PIK3C2A: variants seen among roughly 807,000 people sequenced by gnomAD.
PIK3C2A encodes phosphatidylinositol-4-phosphate 3-kinase catalytic subunit type 2 alpha.
PIK3C2A carries 97 observed loss-of-function variants against 204.5 expected under a neutral mutation model. The observed-to-expected ratio is 0.47, with a 90% CI of 0.40 to 0.56. The LOEUF is 0.56. Ranked by LOEUF, PIK3C2A falls within the 20% of genes least tolerant of loss-of-function variation. The pLI is 0.00. For synonymous variants in PIK3C2A, 653 were observed against 664.4 expected (o/e 0.98, Z 0.26); for missense variants, 1,735 against 1,969.2 (o/e 0.88, Z 2.25).
chr11:17,151,770 T>G (rs575795287), intron 3 of PIK3C2A, among the ~76,000 whole-genome samples: 1 of 152,174 alleles, frequency 6.6e-6, no homozygotes, highest in Admixed American at 6.5e-5. Flanking sequence ...TGCTTTAACC[T>G]TCTTGTCAAA....
rs760055066 is a variant in PIK3C2A at position 17,129,288 on chromosome 11, G to A, written c.2399+12C>T. The A allele has an allele frequency of 8.1e-6, 13 of 1,608,466 alleles. No individual in the cohort carries two copies. Among genetic ancestry groups the A allele is most frequent in the South Asian group, 7.7e-5 (7 of 90,934 alleles). On this transcript the variant is annotated intron_variant, in intron 13 of 32. Coordinates refer to ENST00000691414, the MANE Select transcript of PIK3C2A (RefSeq NM_002645.4). Reference sequence around the variant, plus strand: ...CCACAGTGACTCACCATTACAATTCGGTAATACTTACCGTTTAAAGTCAAA... The same window carrying A: ...CCACAGTGACTCACCATTACAATTCAGTAATACTTACCGTTTAAAGTCAAA...
At chr11:17,145,811 G>A in intron 7 of PIK3C2A, 52 bp downstream of exon 7, 2 of 1,561,100 alleles carry the variant, frequency 1.3e-6, no homozygotes, top group Non-Finnish European at 1.8e-6. Context: ...AAGTGTATTT[G>A]CATCCAAAAA....
intron 19 of PIK3C2A, 66 bp from the exon 20 acceptor site, chr11:17,114,531 A>G (rs1266588136): frequency 1.4e-6 from 1 of 739,974 alleles, no homozygotes; most frequent in Non-Finnish European, 2.4e-6. Context: ...CAGACAAGTT[A>G]TGCTGTGGAT....
Position 17,195,111 on chromosome 11 carries a change from T to A in PIK3C2A, c.-66+12737A>T, listed in dbSNP as rs541708597. 3.3e-5 allele frequency among the ~76,000 whole-genome samples: 5 copies of A among 152,206 alleles called. No homozygotes were observed. The East Asian group carries it at 9.7e-4, about 29-fold the overall frequency. On this transcript the variant is annotated intron_variant, in intron 1 of 32. Transcript: ENST00000691414. Reference sequence around the variant, plus strand: ...GTGGATTTCTTGTGATGTATTTTTTTATAAAAATTAGAAATATAGGGGGCC... The same window carrying A: ...GTGGATTTCTTGTGATGTATTTTTTAATAAAAATTAGAAATATAGGGGGCC...
At chr11:17,137,176 C>T (rs924422801) in intron 8 of PIK3C2A, among the ~76,000 whole-genome samples, 12 of 152,242 alleles carry the variant, frequency 7.9e-5, no homozygotes, top group African/African-American at 2.9e-4. Flanking sequence ...TATACCACCC[C>T]TTAAAAATTT....
chr11:17,177,102 C>T (rs1453031060), intron 1 of PIK3C2A, among the ~76,000 whole-genome samples: 2 of 152,152 alleles, frequency 1.3e-5, no homozygotes, highest in Admixed American at 6.5e-5. Flanking sequence ...TAATTCTCCA[C>T]AATGCACTTT....
At chr11:17,172,168 G>T (rs1473103394) in intron 1 of PIK3C2A, among the ~76,000 whole-genome samples, 1 of 152,126 alleles carries the variant, frequency 6.6e-6, no homozygotes, top group Non-Finnish European at 1.5e-5. Context: ...TGATTTTCTT[G>T]TTCCTCTCAT....
chr11:17,194,835 G>A (rs1403814938), intron 1 of PIK3C2A, among the ~76,000 whole-genome samples: 4 of 151,470 alleles, frequency 2.6e-5, no homozygotes, highest in Non-Finnish European at 5.9e-5. Flanking sequence ...CTTGAACCCA[G>A]GAGGCAGAGG....
chr11:17,141,034 G>GA (rs1054249666), intron 8 of PIK3C2A, among the ~76,000 whole-genome samples: 7 of 151,372 alleles, frequency 4.6e-5, no homozygotes, highest in South Asian at 2.1e-4. Context: ...TAATCAACCA[G>GA]AAAAAAAACA....
intron 2 of PIK3C2A, among the ~76,000 whole-genome samples, chr11:17,159,702 T>C (rs1850713589): frequency 6.6e-6 from 1 of 152,210 alleles, no homozygotes; most frequent in Non-Finnish European, 1.5e-5. Flanking sequence ...CCTGTATCTG[T>C]GAGGCACAGA....
At chr11:17,112,513 A>C in intron 21 of PIK3C2A, 61 bp downstream of exon 21, 2 of 744,470 alleles carry the variant, frequency 2.7e-6, no homozygotes, top group Non-Finnish European at 4.5e-6. Context: ...AATTTTGGGA[A>C]AGTAATTTGA....
intron 1 of PIK3C2A, among the ~76,000 whole-genome samples, chr11:17,207,364 C>T (rs1033103149): frequency 2.0e-5 from 3 of 152,120 alleles, no homozygotes; most frequent in African/African-American, 7.2e-5. Context: ...ATCCTTGGCC[C>T]CCAGAGCCAG....
At chr11:17,180,227 A>C (rs1264480663) in intron 1 of PIK3C2A, among the ~76,000 whole-genome samples, 1 of 152,084 alleles carries the variant, frequency 6.6e-6, no homozygotes, top group Non-Finnish European at 1.5e-5. Flanking sequence ...ATATATATAT[A>C]AAAATCAGCA....
intron 32 of PIK3C2A, 58 bp from the exon 33 acceptor site, chr11:17,089,978 G>A: frequency 7.6e-7 from 1 of 1,317,922 alleles, no homozygotes. Context: ...TGGTTTCTTG[G>A]AACATTTCAA....
chr11:17,183,606 G>A (rs1197110335), intron 1 of PIK3C2A, among the ~76,000 whole-genome samples: 1 of 152,078 alleles, frequency 6.6e-6, no homozygotes, highest in Non-Finnish European at 1.5e-5. Context: ...CCTTGAACCT[G>A]GGAGGCAGAG....
At chr11:17,165,781 T>G (rs1169111369) in intron 2 of PIK3C2A, among the ~76,000 whole-genome samples, 10 of 2,174 alleles carry the variant, frequency 4.6e-3, no homozygotes, top group Admixed American at 0.022. Context: ...CTCAAAAAAG[T>G]GAAAAAAAAA....
intron 1 of PIK3C2A, chr11:17,204,209 G>A (rs1474316495): frequency 1.3e-5 from 2 of 152,184 alleles, no homozygotes; most frequent in Non-Finnish European, 2.9e-5. Context: ...GAGCTATTAA[G>A]TGCCTGAAAT....
chr11:17,149,941 G>C (rs1850373771), intron 4 of PIK3C2A, among the ~76,000 whole-genome samples: 1 of 152,040 alleles, frequency 6.6e-6, no homozygotes, highest in African/African-American at 2.4e-5. Context: ...AGAAATACAG[G>C]ATCTCATTCC....
chr11:17,132,074 A>G, intron 11 of PIK3C2A, 36 bp from the exon 12 acceptor site: 1 of 1,262,080 alleles, frequency 7.9e-7, no homozygotes, highest in Non-Finnish European at 1.1e-6. Flanking sequence ...TTCTATCATG[A>G]TAATACAAAT....
Sources: allele counts gnomAD v4.1 joint callset (sites outside exome capture counted in the v4.1 genomes callset), GRCh38; gene constraint gnomAD v4.1.1; transcripts MANE v1.5; gene names NCBI Gene and HGNC (gene_info 2026-07-23, HGNC 2026-07-21).